AQR: variants seen among roughly 807,000 people sequenced by gnomAD.
AQR encodes aquarius intron-binding spliceosomal factor.
Under a neutral mutation model 180.5 loss-of-function variants are expected in AQR, and 61 were observed. The observed-to-expected ratio is 0.34, with a 90% CI of 0.28 to 0.42. AQR has a LOEUF of 0.42. Among genes scored for constraint, AQR ranks in the 10% least tolerant of loss-of-function variants. The probability of loss-of-function intolerance (pLI) is 1.00; values close to 1 mark genes in which losing one functional copy is unlikely to be tolerated. For missense variants in AQR, 1,281 were observed against 1,798.3 expected, an observed-to-expected ratio of 0.71 and a Z score of 5.20; for synonymous variants, 551 against 588.8, an observed-to-expected ratio of 0.94 and a Z score of 0.93.
At chr15:34,943,126 G>A (rs780232021) in intron 6 of AQR, 1 of 1,611,596 alleles carries the variant, frequency 6.2e-7, no homozygotes, top group Admixed American at 1.7e-5. Flanking sequence ...AAGAAGTGTG[G>A]CAAGCACCAA....
chr15:34,954,228 T>C (rs1894275086), intron 3 of AQR, among the ~76,000 whole-genome samples: 1 of 152,134 alleles, frequency 6.6e-6, no homozygotes, highest in African/African-American at 2.4e-5. Flanking sequence ...CTTTTAAACA[T>C]TCTGCAATTC....
At chr15:34,901,216 TAAAGAAAA>T (rs1020192790) in intron 19 of AQR, among the ~76,000 whole-genome samples, 12 of 152,240 alleles carry the variant, frequency 7.9e-5, no homozygotes, top group Admixed American at 3.3e-4. Flanking sequence ...AACAAACCCT[TAAAGAAAA>T]TACTTCCTCT....
At position 34,917,964 on chromosome 15, in the gene AQR, C is replaced by T. The variant is rs1024377528; in HGVS notation, c.1342+294G>A. Among the ~76,000 whole-genome samples the T allele has an allele frequency of 3.3e-5, 5 of 152,168 alleles. No homozygotes were observed. The South Asian group carries it at 8.3e-4, about 25-fold the overall frequency. On this transcript the variant is annotated intron_variant, in intron 15 of 34. Transcript: ENST00000156471. ...CACCACTGCGCTCCAGCCTGGGTGA[C>T]AGAGCAAGACCCTGTCTCACACTAA... is the stretch of plus-strand genomic sequence containing the variant.
chr15:34,858,320 C>CAAAAAAAAAAAAAAAAAAAA (rs57627687), intron 34 of AQR, among the ~76,000 whole-genome samples: 1 of 86,090 alleles, frequency 1.2e-5, no homozygotes, highest in African/African-American at 4.5e-5. Flanking sequence ...ACGACAGCAG[C>CAAAAAAAAAAAAAAAAAAAA]AAAAAAAAAA....
chr15:34,875,246 G>C (rs572761950), intron 28 of AQR, among the ~76,000 whole-genome samples: 2 of 152,256 alleles, frequency 1.3e-5, no homozygotes, highest in East Asian at 3.9e-4. Context: ...TTCACAATTA[G>C]CTGAGGACCA....
At chr15:34,920,716 T>C (rs1268991619) in intron 13 of AQR, among the ~76,000 whole-genome samples, 1 of 152,156 alleles carries the variant, frequency 6.6e-6, no homozygotes, top group African/African-American at 2.4e-5. Context: ...CTCAGCACTT[T>C]GGGAGGCCGA....
intron 15 of AQR, among the ~76,000 whole-genome samples, chr15:34,916,504 A>G (rs748429401): frequency 6.6e-6 from 1 of 152,202 alleles, no homozygotes; most frequent in Admixed American, 6.6e-5. Context: ...CATTATTTAT[A>G]TTAGTAAACT....
At chr15:34,872,160 A>G (rs549376705) in intron 30 of AQR, among the ~76,000 whole-genome samples, 1 of 152,294 alleles carries the variant, frequency 6.6e-6, no homozygotes, top group East Asian at 1.9e-4. Flanking sequence ...ATAAAACAAC[A>G]TGAACTGTAT....
chr15:34,964,185 A>T, intron 2 of AQR, 49 bp downstream of exon 2: 1 of 1,285,618 alleles, frequency 7.8e-7, no homozygotes, highest in Non-Finnish European at 1.1e-6. Context: ...ATAACCCTTT[A>T]AAAGGAGTGT....
At chr15:34,892,061 T>G (rs1333656034) in intron 23 of AQR, among the ~76,000 whole-genome samples, 2 of 152,122 alleles carry the variant, frequency 1.3e-5, no homozygotes, top group African/African-American at 4.8e-5. Flanking sequence ...ATATACCAAC[T>G]CAAAGACTGG....
chr15:34,896,645 C>T (rs1196059381), intron 22 of AQR, among the ~76,000 whole-genome samples: 3 of 151,678 alleles, frequency 2.0e-5, no homozygotes, highest in African/African-American at 7.3e-5. Context: ...GTCAAGAGTT[C>T]GAGACCAGAC....
intron 2 of AQR, among the ~76,000 whole-genome samples, chr15:34,962,065 T>G (rs938287709): frequency 6.7e-6 from 1 of 150,298 alleles, no homozygotes; most frequent in African/African-American, 2.5e-5. Context: ...CTCTGTCACC[T>G]AGGGTGGAGT....
rs748224289 is a variant in AQR at position 34,884,694 on chromosome 15, T to C, written c.2858A>G (p.Asn953Ser). ...AACATCTGGCAATGTACTACCTTTA[T>C]TTTTCACTTTGCTGATATACTCTTC... ...RWEEYISKVK[N>S]KGSTLPDVTE... The change falls in exon 26 of 35, where the codon AAT becomes AGT. Residue 953 changes from asparagine to serine, a missense_variant. Asn to Ser is a conservative substitution (Grantham distance 46, BLOSUM62 1). This residue lies in a region of AQR where 125 missense variants were observed against 185.0 expected (regional missense o/e 0.68). Coordinates refer to ENST00000156471, the MANE Select transcript of AQR (RefSeq NM_014691.3). 2 of 1,608,274 alleles carry C rather than the reference T, an allele frequency of 1.2e-6. No individual in the cohort carries two copies. The highest frequency in any genetic ancestry group is 2.2e-5 in the South Asian group (2 of 89,278).
rs2050333857 is a variant in AQR at position 34,969,696 on chromosome 15, C to T, written c.-83G>A. On this transcript the variant is annotated 5_prime_UTR_variant, in exon 1 of 35. Coordinates refer to ENST00000156471, the MANE Select transcript of AQR (RefSeq NM_014691.3). The stretch of plus-strand genomic sequence containing the variant: ...ACCCTGGTCCACTTCCCTTAAGTTA[C>T]TGCCGGGGCGCTTAACTCCGCGCCG... 5 of 1,413,618 alleles carry T rather than the reference C, an allele frequency of 3.5e-6. No individual in the cohort carries two copies. The highest frequency in any genetic ancestry group is 3.8e-6 in the Non-Finnish European group (4 of 1,045,750). 87.6% of individuals were successfully genotyped at this position (1,413,618 alleles called of 1,614,324 possible). A position where few individuals can be genotyped will look rare whatever the true frequency, so the allele number is the denominator to read the frequency against.
chr15:34,964,991 T>C (rs2140510640), intron 1 of AQR, among the ~76,000 whole-genome samples: 1 of 152,272 alleles, frequency 6.6e-6, no homozygotes, highest in East Asian at 1.9e-4. Flanking sequence ...AATATATTTA[T>C]AAAAAGGTGA....
At chr15:34,905,764 T>C (rs12324708) in intron 18 of AQR, among the ~76,000 whole-genome samples, 1 of 143,894 alleles carries the variant, frequency 6.9e-6, no homozygotes, top group African/African-American at 2.6e-5. Flanking sequence ...TTAAAAAAAA[T>C]ATGGTAAAGT....
chr15:34,856,831 T>G lies in AQR; in HGVS notation c.4419A>C (p.Thr1473=), dbSNP rs1595777528. The G allele has an allele frequency of 6.3e-7, 1 of 1,592,142 alleles. No homozygotes were observed. The highest frequency in any genetic ancestry group is 8.6e-7 in the Non-Finnish European group (1 of 1,168,862). ...CCGGGGCAGATGTGGCATCCTGAGGTGTGTTAGCTTCTGCCGGTGCAGATA... is the reference window on the plus strand; with the variant it reads ...CCGGGGCAGATGTGGCATCCTGAGGGGTGTTAGCTTCTGCCGGTGCAGATA... ...GAVSAPAEAN[T]PQDATSAPEE... Residue 1473 remains threonine (T), a synonymous_variant, in exon 35 of 35, where the codon ACA becomes ACC. Transcript: ENST00000156471.
chr15:34,930,798 T>C (rs911895028), intron 11 of AQR, among the ~76,000 whole-genome samples: 5 of 151,112 alleles, frequency 3.3e-5, no homozygotes, highest in African/African-American at 1.2e-4. Flanking sequence ...TAATTGGAGA[T>C]ACTTTTTTAT....
At chr15:34,949,276 A>G (rs375147207) in intron 4 of AQR, among the ~76,000 whole-genome samples, 1 of 150,286 alleles carries the variant, frequency 6.7e-6, no homozygotes, top group Non-Finnish European at 1.5e-5. Context: ...GATTACAGGC[A>G]TGAGCCACTA....
Sources: allele counts gnomAD v4.1 joint callset (sites outside exome capture counted in the v4.1 genomes callset), GRCh38; gene constraint gnomAD v4.1.1; regional missense constraint gnomAD v4.1.1; transcripts MANE v1.5; gene names NCBI Gene and HGNC (gene_info 2026-07-23, HGNC 2026-07-21).